Variants in GTF2F2 observed in about 807,000 individuals in gnomAD.
GTF2F2 encodes the protein ATP-dependent helicase GTF2F2.
In GTF2F2, 23 loss-of-function variants were observed where a neutral mutation model predicts 42.2. The observed-to-expected ratio is 0.55, with a 90% confidence interval of 0.39 to 0.77. The LOEUF is 0.77. GTF2F2 is among the 30% of genes least tolerant of loss of function. The probability of loss-of-function intolerance (pLI) is 0.00; values close to 1 mark genes in which losing one functional copy is unlikely to be tolerated. For missense variants in GTF2F2, 261 were observed against 287.2 expected, an observed-to-expected ratio of 0.91 and a Z score of 0.66; for synonymous variants, 105 against 100.8, an observed-to-expected ratio of 1.04 and a Z score of -0.25.
At chr13:45,141,965 T>C (rs1869946725) in intron 2 of GTF2F2, among the ~76,000 whole-genome samples, 1 of 152,224 alleles carries the variant, frequency 6.6e-6, no homozygotes, top group African/African-American at 2.4e-5. Flanking sequence ...CTTTCCTTGT[T>C]GTTCTCTCTT....
intron 5 of GTF2F2, among the ~76,000 whole-genome samples, chr13:45,215,199 G>A (rs1873838696): frequency 1.3e-5 from 2 of 152,176 alleles, no homozygotes; most frequent in Admixed American, 6.5e-5. Flanking sequence ...TGTTAAGGAT[G>A]CTAAGTTTAA....
intron 4 of GTF2F2, among the ~76,000 whole-genome samples, chr13:45,199,131 G>A (rs1182001523): frequency 1.3e-5 from 2 of 152,222 alleles, no homozygotes; most frequent in South Asian, 2.1e-4. Context: ...CTAATAGGAC[G>A]TAACCTCTGG....
In GTF2F2 at chr13:45,185,939, A is replaced by C. The variant is rs551415098; in HGVS notation, c.305-21485A>C. Among the ~76,000 whole-genome samples the C allele has an allele frequency of 5.3e-5, 8 of 152,096 alleles. 1 individual carries two copies. In the South Asian group the frequency reaches 1.5e-3, roughly 28 times the overall value. ...TAAAAATCAAAATAGTTTTGTTAGG[A>C]TATAGGATTATGGTATCTTCATTCA... On this transcript the variant is annotated intron_variant, in intron 4 of 7. Transcript: ENST00000340473.
At chr13:45,167,086 T>A (rs1352126968) in intron 4 of GTF2F2, among the ~76,000 whole-genome samples, 1 of 151,792 alleles carries the variant, frequency 6.6e-6, no homozygotes, top group Non-Finnish European at 1.5e-5. Context: ...GAAATGCAGT[T>A]GAAGTCTTTT....
intron 4 of GTF2F2, among the ~76,000 whole-genome samples, chr13:45,166,699 A>G (rs1025823164): frequency 2.6e-5 from 4 of 152,240 alleles, no homozygotes; most frequent in Non-Finnish European, 4.4e-5. Context: ...AGTAGGTGGT[A>G]TGAGAATTCG....
At chr13:45,263,390 G>A (rs1404180109) in intron 6 of GTF2F2, among the ~76,000 whole-genome samples, 1 of 151,870 alleles carries the variant, frequency 6.6e-6, no homozygotes, top group Non-Finnish European at 1.5e-5. Flanking sequence ...CACCATGCCC[G>A]GCTAATTTTT....
intron 4 of GTF2F2, among the ~76,000 whole-genome samples, chr13:45,199,799 G>T (rs1873085840): frequency 6.6e-6 from 1 of 152,142 alleles, no homozygotes; most frequent in African/African-American, 2.4e-5. Context: ...ACTAAAGAGG[G>T]TCTCTGTTAC....
Position 45,136,749 on chromosome 13 carries a change from C to T in GTF2F2, c.83C>T (p.Ser28Leu). ...TTGTTTTAGGTTCCTAAATATTTGT[C>T]ACAGCAATGGGCTAAAGCCTCTGGA... is the stretch of plus-strand genomic sequence containing the variant. ...VWLVKVPKYL[S>L]QQWAKASGRG... Residue 28 changes from serine to leucine, a missense_variant, in exon 2 of 8, where the codon TCA becomes TTA. Physicochemically the swap from Ser to Leu is moderately radical, Grantham distance 145. Coordinates refer to ENST00000340473, the MANE Select transcript of GTF2F2 (RefSeq NM_004128.3). 1 of 1,589,048 alleles carries T rather than the reference C, an allele frequency of 6.3e-7. No individual in the cohort carries two copies. The highest frequency in any genetic ancestry group is 8.6e-7 in the Non-Finnish European group (1 of 1,159,808).
chr13:45,140,649 T>C (rs1869881185), intron 2 of GTF2F2, among the ~76,000 whole-genome samples: 1 of 152,228 alleles, frequency 6.6e-6, no homozygotes, highest in Non-Finnish European at 1.5e-5. Flanking sequence ...CATACTTTTA[T>C]TGAAAGAGAA....
At chr13:45,272,732 G>A (rs977550393) in intron 7 of GTF2F2, among the ~76,000 whole-genome samples, 7 of 148,946 alleles carry the variant, frequency 4.7e-5, no homozygotes, top group Non-Finnish European at 8.9e-5. Context: ...GTGACAGAGC[G>A]AGACCGTGTC....
At chr13:45,277,747 T>C (rs1178922705) in intron 7 of GTF2F2, among the ~76,000 whole-genome samples, 2 of 152,240 alleles carry the variant, frequency 1.3e-5, no homozygotes, top group Admixed American at 6.5e-5. Context: ...AAAGATGAAA[T>C]GATACTTTGA....
intron 4 of GTF2F2, among the ~76,000 whole-genome samples, chr13:45,171,162 C>T (rs1285545128): frequency 6.7e-6 from 1 of 149,708 alleles, no homozygotes; most frequent in African/African-American, 2.5e-5. Context: ...ACTGCAACCT[C>T]CGCCTCCCAG....
chr13:45,130,887 T>G (rs1387561075), intron 1 of GTF2F2, among the ~76,000 whole-genome samples: 1 of 152,070 alleles, frequency 6.6e-6, no homozygotes, highest in African/African-American at 2.4e-5. Context: ...AACCTGAGCT[T>G]GTTGTAAGTT....
rs1382201030 is a variant in GTF2F2 at position 45,192,665 on chromosome 13, G to A, written c.305-14759G>A. On this transcript the variant is annotated intron_variant, in intron 4 of 7. Coordinates refer to ENST00000340473, the MANE Select transcript of GTF2F2 (RefSeq NM_004128.3). The stretch of plus-strand genomic sequence containing the variant: ...AGTTTGTAGACTACTTCATTGAAAC[G>A]GCCATACATAAAACGTAATTTTTAA... 5.3e-5 allele frequency among the ~76,000 whole-genome samples: 8 copies of A among 152,038 alleles called. No individual in the cohort carries two copies. In the East Asian group the frequency reaches 7.7e-4, roughly 15 times the overall value.
intron 5 of GTF2F2, among the ~76,000 whole-genome samples, chr13:45,252,146 T>TAA (rs1875903416): frequency 6.6e-6 from 1 of 152,194 alleles, no homozygotes; most frequent in Non-Finnish European, 1.5e-5. Context: ...TGTTTTGAGT[T>TAA]ATATTTTATT....
chr13:45,229,718 T>C (rs1874573645), intron 5 of GTF2F2, among the ~76,000 whole-genome samples: 1 of 152,180 alleles, frequency 6.6e-6, no homozygotes, highest in Non-Finnish European at 1.5e-5. Context: ...AATGTAGTGA[T>C]GTAAGGATGT....
intron 7 of GTF2F2, among the ~76,000 whole-genome samples, chr13:45,276,556 C>G (rs1477778082): frequency 6.6e-6 from 1 of 152,028 alleles, no homozygotes; most frequent in African/African-American, 2.4e-5. Flanking sequence ...CCTGCCTCAG[C>G]TTCCCAAGTA....
Position 45,283,557 on chromosome 13 carries a change from A to G in GTF2F2, c.746A>G (p.Asp249Gly). Residue 249 changes from aspartate (D) to glycine (G), a missense_variant, in exon 8 of 8, where the codon GAC (aspartate) becomes GGC (glycine). Transcript: ENST00000340473. Reference protein sequence around the residue: ...YRHYQGEEKSD With the variant: ...YRHYQGEEKSG ...CACTATCAAGGAGAAGAAAAGAGTG[A>G]CTAAGAAGACTCCTAGCCAGCATGC... is the stretch of plus-strand genomic sequence containing the variant. 6.2e-7 allele frequency: 1 copy of G among 1,607,980 alleles called. No homozygotes were observed. The highest frequency in any genetic ancestry group is 8.5e-7 in the Non-Finnish European group (1 of 1,177,518).
intron 5 of GTF2F2, among the ~76,000 whole-genome samples, chr13:45,229,255 G>A (rs140184086): frequency 3.6e-4 from 55 of 152,052 alleles, no homozygotes; most frequent in African/African-American, 1.3e-3. Flanking sequence ...TCTGTGGATT[G>A]CACACCCTTC....
Sources: allele counts gnomAD v4.1 joint callset (sites outside exome capture counted in the v4.1 genomes callset), GRCh38; gene constraint gnomAD v4.1.1; transcripts MANE v1.5; gene names NCBI Gene and HGNC (gene_info 2026-07-23, HGNC 2026-07-21).